The following EVI5 variants were observed in gnomAD, a reference collection of about 807,000 sequenced individuals.
EVI5 encodes the protein ecotropic viral integration site 5 protein homolog.
A neutral mutation model predicts 112.0 loss-of-function variants in EVI5; 73 were observed. The ratio of observed to expected loss-of-function variants is 0.65; its 90% CI spans 0.54 to 0.79. The LOEUF (loss-of-function observed/expected upper bound fraction) is 0.79. Among genes scored for constraint, EVI5 ranks in the 30% least tolerant of loss-of-function variants. The pLI, the probability that EVI5 is intolerant of heterozygous loss-of-function variation, is 0.00. For missense variants in EVI5, 900 were observed against 968.8 expected (o/e 0.93, Z 0.94); for synonymous variants, 305 against 319.9 (o/e 0.95, Z 0.50).
intron 1 of EVI5, among the ~76,000 whole-genome samples, chr1:92,747,329 C>T (rs1337435875): frequency 2.0e-5 from 3 of 152,096 alleles, no homozygotes; most frequent in Non-Finnish European, 1.5e-5. Flanking sequence ...GATCTTGGAA[C>T]CAATCCCCTG....
intron 19 of EVI5, among the ~76,000 whole-genome samples, chr1:92,562,194 T>A (rs1668739700): frequency 6.6e-6 from 1 of 152,118 alleles, no homozygotes; most frequent in Admixed American, 6.6e-5. Flanking sequence ...ACAACACACT[T>A]AATTGTAACT....
At chr1:92,660,980 C>T (rs969237396) in intron 13 of EVI5, among the ~76,000 whole-genome samples, 3 of 151,764 alleles carry the variant, frequency 2.0e-5, no homozygotes, top group Non-Finnish European at 4.4e-5. Context: ...AAGAGAGAGA[C>T]CTGAGAAGGT....
intron 1 of EVI5, among the ~76,000 whole-genome samples, chr1:92,754,413 C>A (rs1210632676): frequency 6.6e-6 from 1 of 152,172 alleles, no homozygotes; most frequent in Non-Finnish European, 1.5e-5. Flanking sequence ...TCATCCATTA[C>A]TACCAAACCT....
chr1:92,781,837 TC>T (rs1310696000), intron 1 of EVI5, among the ~76,000 whole-genome samples: 1 of 150,984 alleles, frequency 6.6e-6, no homozygotes, highest in Non-Finnish European at 1.5e-5. Context: ...CATCTGTAGT[TC>T]CAGCTACTTG....
chr1:92,559,975 A>T (rs999352703), intron 19 of EVI5, among the ~76,000 whole-genome samples: 3 of 152,168 alleles, frequency 2.0e-5, no homozygotes, highest in African/African-American at 7.2e-5. Flanking sequence ...CATTAAAACC[A>T]TAATGAGAAA....
At chr1:92,667,275 C>A (rs1015141045) in intron 10 of EVI5, among the ~76,000 whole-genome samples, 1 of 151,914 alleles carries the variant, frequency 6.6e-6, no homozygotes, top group Non-Finnish European at 1.5e-5. Context: ...CAGAGCAAGA[C>A]CTTGTCTCAA....
intron 14 of EVI5, among the ~76,000 whole-genome samples, chr1:92,626,342 A>G (rs1655656795): frequency 1.3e-5 from 2 of 152,168 alleles, no homozygotes; most frequent in Non-Finnish European, 2.9e-5. Context: ...TTCACTTAGA[A>G]CAATGTTTTC....
chr1:92,736,332 T>A, intron 2 of EVI5, 66 bp downstream of exon 2: 1 of 1,020,578 alleles, frequency 9.8e-7, no homozygotes, highest in South Asian at 1.5e-5. Flanking sequence ...AAAATTCTAG[T>A]GTAAGTAAAT....
intron 2 of EVI5, 67 bp downstream of exon 2, chr1:92,736,331 G>C: frequency 2.0e-6 from 2 of 1,019,220 alleles, no homozygotes; most frequent in Non-Finnish European, 2.9e-6. Context: ...AAAAATTCTA[G>C]TGTAAGTAAA....
chr1:92,566,002 T>C (rs1669420977), intron 18 of EVI5, among the ~76,000 whole-genome samples: 1 of 128,486 alleles, frequency 7.8e-6, no homozygotes, highest in South Asian at 2.8e-4. Context: ...GTAGCACTCC[T>C]ATAGGGTCAA....
intron 19 of EVI5, among the ~76,000 whole-genome samples, chr1:92,526,936 A>G (rs1661974357): frequency 6.6e-6 from 1 of 152,204 alleles, no homozygotes; most frequent in South Asian, 2.1e-4. Context: ...GGAGAAAGGC[A>G]GAAGGTGTTG....
intron 2 of EVI5, among the ~76,000 whole-genome samples, chr1:92,720,289 C>T (rs546185565): frequency 6.6e-6 from 1 of 152,150 alleles, no homozygotes; most frequent in South Asian, 2.1e-4. Context: ...TACAAGGCTA[C>T]AGTAACCAAA....
At chr1:92,588,967 C>T (rs1673249278) in intron 18 of EVI5, among the ~76,000 whole-genome samples, 1 of 152,102 alleles carries the variant, frequency 6.6e-6, no homozygotes, top group Non-Finnish European at 1.5e-5. Flanking sequence ...TTCAGCTGCA[C>T]ATGGTGGACA....
intron 1 of EVI5, among the ~76,000 whole-genome samples, chr1:92,780,356 A>C (rs560161191): frequency 8.9e-4 from 135 of 152,350 alleles, no homozygotes; most frequent in African/African-American, 3.2e-3. Context: ...GAGACTCCAG[A>C]CTCAAGAAAA....
chr1:92,548,670 G>A (rs1309580431), intron 19 of EVI5, among the ~76,000 whole-genome samples: 6 of 152,112 alleles, frequency 3.9e-5, no homozygotes, highest in African/African-American at 1.4e-4. Context: ...AAATCAATGT[G>A]CAAAAATCAC....
intron 18 of EVI5, among the ~76,000 whole-genome samples, chr1:92,594,168 C>T (rs925481739): frequency 2.0e-5 from 3 of 152,194 alleles, no homozygotes; most frequent in Non-Finnish European, 2.9e-5. Context: ...TCAAATTATA[C>T]TACAAGCCTA....
intron 1 of EVI5, among the ~76,000 whole-genome samples, chr1:92,770,976 C>A (rs1042178584): frequency 6.6e-6 from 1 of 151,224 alleles, no homozygotes; most frequent in Non-Finnish European, 1.5e-5. Context: ...ACACCACTCC[C>A]GGCTAATTTT....
At chr1:92,634,732 T>A (rs1277891468) in intron 14 of EVI5, among the ~76,000 whole-genome samples, 1 of 152,252 alleles carries the variant, frequency 6.6e-6, no homozygotes, top group Admixed American at 6.5e-5. Flanking sequence ...GGAGCTGCGT[T>A]CCTTTAGAGG....
chr1:92,635,124 G>A (rs908510614), intron 14 of EVI5, among the ~76,000 whole-genome samples: 1 of 152,202 alleles, frequency 6.6e-6, no homozygotes, highest in African/African-American at 2.4e-5. Context: ...CTACTCGGGG[G>A]TCAGGGCCCC....
Sources: gnomAD v4.1 joint callset for allele counts (sites outside exome capture counted in the v4.1 genomes callset) on GRCh38, gnomAD v4.1.1 for gene constraint, MANE v1.5 for transcripts, NCBI Gene and HGNC (gene_info 2026-07-23, HGNC 2026-07-21) for gene names.